The following SOX6 variants were observed in gnomAD, a reference collection of about 807,000 sequenced individuals.
SOX6 encodes transcription factor SOX-6.
A neutral mutation model predicts 97.8 loss-of-function variants in SOX6; 11 were observed. The ratio of observed to expected loss-of-function variants is 0.11; its 90% confidence interval spans 0.07 to 0.19. The LOEUF (loss-of-function observed/expected upper bound fraction) is 0.19. Ranked by LOEUF, SOX6 falls within the 10% of genes least tolerant of loss-of-function variation. SOX6 has a pLI of 1.00. For missense variants in SOX6, 810 were observed against 1,039.5 expected, an observed-to-expected ratio of 0.78 and a Z score of 3.04; for synonymous variants, 360 against 371.4, an observed-to-expected ratio of 0.97 and a Z score of 0.35.
intron 12 of SOX6, 175 bp from the exon 13 acceptor site, chr11:16,015,225 A>G: frequency 4.6e-6 from 3 of 651,032 alleles, no homozygotes; most frequent in Non-Finnish European, 8.2e-6. Flanking sequence ...TGACATGGAC[A>G]GCACTGACAG....
At chr11:15,976,029 T>A (rs35572903) in intron 15 of SOX6, among the ~76,000 whole-genome samples, 64,752 of 151,962 alleles carry the variant, frequency 0.43, 14,000 homozygotes, top group African/African-American at 0.46. Flanking sequence ...TGGAGAGATA[T>A]ATATGGCTGT....
chr11:16,208,991 A>G (rs1852145770), intron 4 of SOX6, among the ~76,000 whole-genome samples: 1 of 152,200 alleles, frequency 6.6e-6, no homozygotes, highest in African/African-American at 2.4e-5. Context: ...TTCATTTTCT[A>G]AATACATATA....
rs957724143 is a variant in SOX6 at position 15,971,246 on chromosome 11, A to C, written c.*1563T>G. 1 of 152,462 alleles carries C rather than the reference A, an allele frequency of 6.6e-6. No homozygotes were observed. The highest frequency in any genetic ancestry group is 6.6e-5 in the Admixed American group (1 of 15,258). 9.4% of individuals were successfully genotyped at this position (152,462 alleles called of 1,614,324 possible). ...TTCATTCTCTAGATGTATCATGACT[A>C]TTTGCCACCATCTTTGCTCTGAGGC... is the stretch of plus-strand genomic sequence containing the variant. On this transcript the variant is annotated 3_prime_UTR_variant, in exon 16 of 16. Transcript: ENST00000683767.
chr11:16,211,486 T>A (rs957962136), intron 4 of SOX6, among the ~76,000 whole-genome samples: 2 of 151,354 alleles, frequency 1.3e-5, no homozygotes, highest in African/African-American at 4.9e-5. Flanking sequence ...TACAAAAATA[T>A]GGGGCAAGGT....
intron 3 of SOX6, among the ~76,000 whole-genome samples, chr11:16,250,395 T>C (rs917109854): frequency 6.6e-6 from 1 of 152,074 alleles, no homozygotes; most frequent in African/African-American, 2.4e-5. Flanking sequence ...TTATATCACA[T>C]ATAAATGGAC....
intron 13 of SOX6, among the ~76,000 whole-genome samples, chr11:15,992,080 T>C (rs568363864): frequency 6.6e-6 from 1 of 152,328 alleles, no homozygotes; most frequent in African/African-American, 2.4e-5. Flanking sequence ...CTTCCAGAAG[T>C]TGCAAAATTC....
chr11:16,113,350 T>C (rs1321343418), intron 6 of SOX6, among the ~76,000 whole-genome samples: 1 of 152,230 alleles, frequency 6.6e-6, no homozygotes, highest in Non-Finnish European at 1.5e-5. Context: ...CAGTGGGGCA[T>C]GAAAGAAACT....
intron 1 of SOX6, chr11:16,402,948 CAAGGT>C: frequency 1.0e-6 from 1 of 1,000,928 alleles, no homozygotes; most frequent in Non-Finnish European, 1.5e-6. Context: ...ATTTTTACAC[CAAGGT>C]GGGGGAGAAA....
intron 3 of SOX6, among the ~76,000 whole-genome samples, chr11:16,667,793 A>G (rs921154691): frequency 1.3e-5 from 2 of 152,214 alleles, no homozygotes; most frequent in Non-Finnish European, 2.9e-5. Context: ...AGATTATTAT[A>G]ACACTGTAAA....
At chr11:16,571,545 C>T (rs1847938199) in intron 4 of SOX6, among the ~76,000 whole-genome samples, 1 of 152,186 alleles carries the variant, frequency 6.6e-6, no homozygotes, top group East Asian at 1.9e-4. Flanking sequence ...ATCTTCCCAC[C>T]TCAGTCTCCT....
chr11:16,308,140 A>G (rs1466343069), intron 3 of SOX6, among the ~76,000 whole-genome samples: 4 of 152,346 alleles, frequency 2.6e-5, no homozygotes, highest in African/African-American at 9.6e-5. Flanking sequence ...AGATATCAAA[A>G]TTGGATAGAA....
intron 6 of SOX6, among the ~76,000 whole-genome samples, chr11:16,116,073 C>T (rs1849340533): frequency 6.6e-6 from 1 of 152,058 alleles, no homozygotes; most frequent in African/African-American, 2.4e-5. Context: ...GATGTAAAAA[C>T]TCCAAGTGCC....
At chr11:16,470,650 G>A (rs1012396526) in intron 1 of SOX6, among the ~76,000 whole-genome samples, 5 of 152,102 alleles carry the variant, frequency 3.3e-5, no homozygotes, top group African/African-American at 1.2e-4. Context: ...CAGCAACCAA[G>A]TGAAGACTGA....
chr11:16,268,861 T>A (rs1052244434), intron 3 of SOX6, among the ~76,000 whole-genome samples: 3 of 151,020 alleles, frequency 2.0e-5, no homozygotes, highest in Non-Finnish European at 3.0e-5. Context: ...TGGACAAATA[T>A]TTTCTCTCAA....
At chr11:16,098,649 T>C (rs1848862727) in intron 7 of SOX6, among the ~76,000 whole-genome samples, 1 of 151,894 alleles carries the variant, frequency 6.6e-6, no homozygotes, top group Non-Finnish European at 1.5e-5. Flanking sequence ...GGAGTATCAC[T>C]TTGGCTTCAG....
At chr11:16,132,686 C>T (rs900439300) in intron 6 of SOX6, among the ~76,000 whole-genome samples, 19 of 147,294 alleles carry the variant, frequency 1.3e-4, no homozygotes, top group Admixed American at 5.4e-4. Flanking sequence ...CTTGAGCTAT[C>T]GGGTTACCTT....
intron 9 of SOX6, among the ~76,000 whole-genome samples, chr11:16,086,672 A>G (rs1848584754): frequency 6.6e-6 from 1 of 152,170 alleles, no homozygotes; most frequent in Admixed American, 6.5e-5. Context: ...AGACAGGCCC[A>G]GAAACTCTCA....
intron 2 of SOX6, among the ~76,000 whole-genome samples, chr11:16,327,586 C>A (rs7127937): frequency 0.17 from 26,184 of 152,026 alleles, 2,755 homozygotes; most frequent in Admixed American, 0.29. Flanking sequence ...TTTATCCTAT[C>A]TGCATATGGA....
intron 4 of SOX6, among the ~76,000 whole-genome samples, chr11:16,206,906 A>T (rs1462104316): frequency 6.6e-6 from 1 of 152,094 alleles, no homozygotes; most frequent in Non-Finnish European, 1.5e-5. Context: ...CTGAGTTTAA[A>T]CTCTTCAAAG....
Sources: gnomAD v4.1 joint callset for allele counts (sites outside exome capture counted in the v4.1 genomes callset) on GRCh38, gnomAD v4.1.1 for gene constraint, MANE v1.5 for transcripts, NCBI Gene and HGNC (gene_info 2026-07-23, HGNC 2026-07-21) for gene names.